The following PTPRR variants were observed in gnomAD, a reference collection of about 807,000 sequenced individuals.
The protein encoded by PTPRR is protein tyrosine phosphatase receptor type R.
PTPRR carries 38 observed loss-of-function variants against 77.2 expected under a neutral mutation model. That is an observed-to-expected ratio of 0.49 (90% CI 0.38 to 0.65). The LOEUF is 0.65. PTPRR is among the 30% of genes least tolerant of loss of function. PTPRR has a pLI of 0.00. For synonymous variants in PTPRR, 299 were observed against 283.1 expected, an observed-to-expected ratio of 1.06 and a Z score of -0.57; for missense variants, 744 against 799.2, an observed-to-expected ratio of 0.93 and a Z score of 0.83.
intron 2 of PTPRR, among the ~76,000 whole-genome samples, chr12:70,841,549 T>C (rs1892397545): frequency 6.6e-6 from 1 of 152,170 alleles, no homozygotes; most frequent in South Asian, 2.1e-4. Flanking sequence ...TGAAAACTGA[T>C]GTGATTGCAC....
chr12:70,780,745 T>C (rs1449588630), intron 2 of PTPRR, among the ~76,000 whole-genome samples: 2 of 152,228 alleles, frequency 1.3e-5, no homozygotes, highest in African/African-American at 4.8e-5. Context: ...TGATGTTTTA[T>C]TCTGTGTGGT....
At chr12:70,779,307 C>T (rs943720411) in intron 2 of PTPRR, among the ~76,000 whole-genome samples, 1 of 151,740 alleles carries the variant, frequency 6.6e-6, no homozygotes, top group Admixed American at 6.6e-5. Context: ...TAACTGTGAG[C>T]TTCATCTCAT....
intron 2 of PTPRR, among the ~76,000 whole-genome samples, chr12:70,795,986 C>T (rs1051407036): frequency 2.4e-4 from 28 of 118,670 alleles, no homozygotes; most frequent in African/African-American, 6.9e-4. Flanking sequence ...TGCAGTGGTG[C>T]GATCTCGGTT....
At chr12:70,712,653 T>C (rs1173865283) in intron 6 of PTPRR, among the ~76,000 whole-genome samples, 1 of 151,842 alleles carries the variant, frequency 6.6e-6, no homozygotes, top group African/African-American at 2.4e-5. Flanking sequence ...AATATACACA[T>C]TTTAGAGTGA....
At chr12:70,655,093 A>T (rs1027338460) in intron 13 of PTPRR, among the ~76,000 whole-genome samples, 5 of 152,358 alleles carry the variant, frequency 3.3e-5, no homozygotes, top group African/African-American at 1.2e-4. Context: ...TTAGTTGTGG[A>T]GCAAGGAAGA....
intron 12 of PTPRR, 101 bp from the exon 13 acceptor site, chr12:70,656,918 AGT>A: frequency 1.9e-5 from 13 of 693,442 alleles, no homozygotes; most frequent in African/African-American, 3.6e-5. Context: ...CACAGTTAAA[AGT>A]AGTATTCACA....
intron 1 of PTPRR, among the ~76,000 whole-genome samples, chr12:70,893,808 A>G (rs1209291564): frequency 1.3e-5 from 2 of 151,798 alleles, no homozygotes; most frequent in African/African-American, 4.8e-5. Flanking sequence ...TACCATACCA[A>G]CCTCACAGTT....
chr12:70,897,583 G>A (rs1411458840), intron 1 of PTPRR, among the ~76,000 whole-genome samples: 1 of 151,998 alleles, frequency 6.6e-6, no homozygotes, highest in African/African-American at 2.4e-5. Context: ...CAACCATTGT[G>A]GAAGTCAGTG....
chr12:70,829,626 T>G (rs1174539148), intron 2 of PTPRR, among the ~76,000 whole-genome samples: 1 of 152,196 alleles, frequency 6.6e-6, no homozygotes, highest in Non-Finnish European at 1.5e-5. Context: ...GATGTTATCA[T>G]CAAGTCTCTT....
At chr12:70,756,388 A>G (rs1029603960) in intron 4 of PTPRR, among the ~76,000 whole-genome samples, 1 of 152,100 alleles carries the variant, frequency 6.6e-6, no homozygotes, top group African/African-American at 2.4e-5. Context: ...TTGTACAGAG[A>G]TCTAAAAAAC....
At chr12:70,740,629 T>C (rs1890017355) in intron 6 of PTPRR, among the ~76,000 whole-genome samples, 1 of 152,142 alleles carries the variant, frequency 6.6e-6, no homozygotes, top group African/African-American at 2.4e-5. Context: ...AGTCTCTAGA[T>C]CTTATTTGAC....
At chr12:70,833,247 A>C (rs1892245611) in intron 2 of PTPRR, among the ~76,000 whole-genome samples, 1 of 152,160 alleles carries the variant, frequency 6.6e-6, no homozygotes, top group South Asian at 2.1e-4. Context: ...TCAATATGGT[A>C]GTGAGGGATA....
At chr12:70,711,143 T>C (rs1158200147) in intron 6 of PTPRR, among the ~76,000 whole-genome samples, 8 of 152,124 alleles carry the variant, frequency 5.3e-5, no homozygotes, top group African/African-American at 1.9e-4. Context: ...TCAACATAAA[T>C]GCCCAGTAAT....
chr12:70,807,387 A>T (rs1891729243), intron 2 of PTPRR, among the ~76,000 whole-genome samples: 1 of 152,194 alleles, frequency 6.6e-6, no homozygotes, highest in Non-Finnish European at 1.5e-5. Flanking sequence ...AAAAAAATGC[A>T]TTATTAAGAA....
intron 7 of PTPRR, among the ~76,000 whole-genome samples, chr12:70,700,741 A>G (rs1250267245): frequency 6.6e-6 from 1 of 152,086 alleles, no homozygotes; most frequent in African/African-American, 2.4e-5. Flanking sequence ...CAAGCTCCTA[A>G]ACATATATTA....
chr12:70,685,508 G>C (rs962466656), intron 8 of PTPRR, among the ~76,000 whole-genome samples: 3 of 142,866 alleles, frequency 2.1e-5, no homozygotes, highest in Non-Finnish European at 4.6e-5. Flanking sequence ...AAATTAGCCA[G>C]GCATGGTGGC....
At chr12:70,746,880 T>A (rs1210223235) in intron 5 of PTPRR, among the ~76,000 whole-genome samples, 1 of 151,778 alleles carries the variant, frequency 6.6e-6, no homozygotes, top group African/African-American at 2.4e-5. Context: ...TTGTTTTTTA[T>A]GTCAGTCCAC....
chr12:70,789,716 C>T (rs1433331185), intron 2 of PTPRR, among the ~76,000 whole-genome samples: 1 of 152,068 alleles, frequency 6.6e-6, no homozygotes, highest in Non-Finnish European at 1.5e-5. Context: ...AGTTGAAACA[C>T]TAGGAATTCC....
chr12:70,659,063 T>C (rs1354745133), intron 12 of PTPRR, among the ~76,000 whole-genome samples: 4 of 151,724 alleles, frequency 2.6e-5, no homozygotes, highest in Admixed American at 2.6e-4. Context: ...CCACCACGCC[T>C]GGCTAATTTT....
Sources: gnomAD v4.1 joint callset for allele counts (sites outside exome capture counted in the v4.1 genomes callset) on GRCh38, gnomAD v4.1.1 for gene constraint, MANE v1.5 for transcripts, NCBI Gene and HGNC (gene_info 2026-07-23, HGNC 2026-07-21) for gene names.